The following TIAM2 variants were observed in gnomAD, a reference collection of about 807,000 sequenced individuals.
TIAM2 encodes the protein rho guanine nucleotide exchange factor TIAM2.
A neutral mutation model predicts 152.9 loss-of-function variants in TIAM2; 80 were observed. That is an observed-to-expected ratio of 0.52 (90% CI 0.44 to 0.63). TIAM2 has a LOEUF of 0.63. Ranked by LOEUF, TIAM2 falls within the 30% of genes least tolerant of loss-of-function variation. The pLI is 0.00. For synonymous variants in TIAM2, 804 were observed against 838.0 expected, an observed-to-expected ratio of 0.96 and a Z score of 0.70; for missense variants, 1,965 against 2,120.1, an observed-to-expected ratio of 0.93 and a Z score of 1.44.
At chr6:155,250,582 G>A (rs1562374058) in intron 21 of TIAM2, 1 of 1,535,866 alleles carries the variant, frequency 6.5e-7, no homozygotes, top group Non-Finnish European at 8.7e-7. Context: ...TAGATCCCAG[G>A]GGAAAGCTTA....
chr6:155,253,280 A>C, intron 24 of TIAM2: 1 of 515,106 alleles, frequency 1.9e-6, no homozygotes, highest in Non-Finnish European at 3.4e-6. Context: ...TTGTTTCCTT[A>C]TTTTCCCTAT....
At chr6:155,169,625 C>T (rs1780530571) in intron 9 of TIAM2, among the ~76,000 whole-genome samples, 1 of 152,168 alleles carries the variant, frequency 6.6e-6, no homozygotes, top group Non-Finnish European at 1.5e-5. Flanking sequence ...CTGTGTCTCT[C>T]CAGGCGCCGT....
At chr6:155,207,641 G>T (rs2115204371) in intron 14 of TIAM2, among the ~76,000 whole-genome samples, 1 of 152,296 alleles carries the variant, frequency 6.6e-6, no homozygotes, top group South Asian at 2.1e-4. Context: ...AGAAAATCCG[G>T]TGGCACCCAA....
intron 15 of TIAM2, among the ~76,000 whole-genome samples, chr6:155,221,348 G>T (rs1384926848): frequency 6.6e-6 from 1 of 152,144 alleles, no homozygotes; most frequent in Admixed American, 6.5e-5. Context: ...TCCTCATCCT[G>T]CTGGGACAGT....
chr6:155,045,036 T>A (rs1777136957), intron 1 of TIAM2, among the ~76,000 whole-genome samples: 1 of 150,168 alleles, frequency 6.7e-6, no homozygotes, highest in Admixed American at 6.7e-5. Flanking sequence ...AAAGCCCTTT[T>A]TCTTTTTCTT....
In TIAM2 at chr6:154,995,990, C is replaced by A. The variant is rs949938708; in HGVS notation, c.-209+498C>A. Among the ~76,000 whole-genome samples, 1 of 152,178 alleles carries A rather than the reference C, an allele frequency of 6.6e-6. No individual in the cohort carries two copies. Among genetic ancestry groups the A allele is most frequent in the Non-Finnish European group, 1.5e-5 (1 of 68,030 alleles). On this transcript the variant is annotated intron_variant, in intron 1 of 26. Coordinates refer to ENST00000682666, the MANE Select transcript of TIAM2 (RefSeq NM_012454.4). This position sits in a 1 kb window ranked among gnomAD's most constrained non-coding sequence, Gnocchi z 5.2. Reference sequence around the variant, plus strand: ...GCAGGATCCCAGGCGGTCGGCTCAGCGAGTGTAGACCGTGCGGTCCCTGCT... The same window carrying A: ...GCAGGATCCCAGGCGGTCGGCTCAGAGAGTGTAGACCGTGCGGTCCCTGCT...
chr6:155,085,603 A>G (rs539579383), intron 1 of TIAM2, among the ~76,000 whole-genome samples: 6 of 152,100 alleles, frequency 3.9e-5, no homozygotes, highest in Admixed American at 6.5e-5. Context: ...GAAGGTCTGG[A>G]TTATATTCAG....
At chr6:155,003,062 G>A (rs1778340301) in intron 1 of TIAM2, among the ~76,000 whole-genome samples, 1 of 152,058 alleles carries the variant, frequency 6.6e-6, no homozygotes, top group African/African-American at 2.4e-5. Context: ...TTAAATGGTG[G>A]TTGACAGAAT....
chr6:155,222,490 A>G (rs1782081049), intron 15 of TIAM2, among the ~76,000 whole-genome samples: 1 of 151,690 alleles, frequency 6.6e-6, no homozygotes, highest in Non-Finnish European at 1.5e-5. Flanking sequence ...AATCCCAGCT[A>G]CTCGGGAGGC....
intron 9 of TIAM2, 116 bp downstream of exon 9, chr6:155,165,525 T>G: frequency 7.1e-7 from 1 of 1,407,830 alleles, no homozygotes. Context: ...TGAGGCGAGG[T>G]GGGGTGGCTC....
At chr6:155,188,525 C>T (rs1484005903) in intron 14 of TIAM2, among the ~76,000 whole-genome samples, 1 of 152,220 alleles carries the variant, frequency 6.6e-6, no homozygotes, top group Non-Finnish European at 1.5e-5. Context: ...GAAATATCAT[C>T]TGTAAAAACT....
chr6:155,062,212 G>A (rs1285016090), intron 1 of TIAM2, among the ~76,000 whole-genome samples: 1 of 151,880 alleles, frequency 6.6e-6, no homozygotes, highest in African/African-American at 2.4e-5. Flanking sequence ...TATGTATGCA[G>A]TCACTCTTTG....
At chr6:155,243,905 A>C (rs1583280911) in intron 16 of TIAM2, 106 bp from the exon 17 acceptor site, 1 of 694,024 alleles carries the variant, frequency 1.4e-6, no homozygotes, top group Admixed American at 2.1e-5. Context: ...AAACTTCATT[A>C]TCCTGATGGG....
intron 1 of TIAM2, among the ~76,000 whole-genome samples, chr6:155,029,734 GTATATAACTATATA>G (rs1237294996): frequency 7.5e-6 from 1 of 133,032 alleles, no homozygotes; most frequent in Non-Finnish European, 1.6e-5. Flanking sequence ...TAACTATATA[GTATATAACTATATA>G]TATATATATG....
At chr6:155,253,866 G>A in intron 24 of TIAM2, 107 bp from the exon 25 acceptor site, 1 of 769,712 alleles carries the variant, frequency 1.3e-6, no homozygotes, top group Non-Finnish European at 2.1e-6. Context: ...GCCAGGACTG[G>A]GAATATTAGA....
At chr6:155,168,729 T>C in intron 9 of TIAM2, 3 of 805,478 alleles carry the variant, frequency 3.7e-6, no homozygotes, top group South Asian at 2.0e-5. Context: ...CAAATTGTGA[T>C]ATGAAGCTCT....
intron 1 of TIAM2, among the ~76,000 whole-genome samples, chr6:155,021,013 G>A (rs1776468731): frequency 6.6e-6 from 1 of 152,160 alleles, no homozygotes. Context: ...ATTTTGCTTA[G>A]CGTGATGTCC....
chr6:155,252,900 C>T (rs1458452321), intron 23 of TIAM2, 48 bp from the exon 24 acceptor site: 1 of 1,523,590 alleles, frequency 6.6e-7, no homozygotes, highest in Admixed American at 1.7e-5. Context: ...CATCCTCCCT[C>T]AGTGACAGCT....
intron 1 of TIAM2, among the ~76,000 whole-genome samples, chr6:155,077,196 T>A (rs1033469345): frequency 6.6e-6 from 1 of 151,542 alleles, no homozygotes; most frequent in African/African-American, 2.4e-5. Context: ...TTTTTTTTTT[T>A]AAAGAACAGG....
Sources: gnomAD v4.1 joint callset for allele counts (sites outside exome capture counted in the v4.1 genomes callset) on GRCh38, gnomAD v4.1.1 for gene constraint, Gnocchi (gnomAD v3.1) non-coding constraint, MANE v1.5 for transcripts, NCBI Gene and HGNC (gene_info 2026-07-23, HGNC 2026-07-21) for gene names.